Variants in CELF6 observed in about 807,000 individuals in gnomAD.
CELF6 encodes the protein CUGBP Elav-like family member 6.
CELF6 carries 32 observed loss-of-function variants against 53.1 expected under a neutral mutation model. The ratio of observed to expected loss-of-function variants is 0.60; its 90% CI spans 0.46 to 0.81. The LOEUF (loss-of-function observed/expected upper bound fraction) is 0.81. CELF6 is among the 30% of genes least tolerant of loss of function. CELF6 has a pLI of 0.00. For missense variants in CELF6, 539 were observed against 669.5 expected, an observed-to-expected ratio of 0.81 and a Z score of 2.15; for synonymous variants, 291 against 288.8, an observed-to-expected ratio of 1.01 and a Z score of -0.08.
At position 72,289,904 on chromosome 15, in the gene CELF6, T is replaced by C. The variant is rs1207384959; in HGVS notation, c.603+35A>G. ...GAGGAGAAGCCCGTCCCCACCCCACTGGCCTCACCCTCAGCCCAGGGAACC... is the reference window on the plus strand; with the variant it reads ...GAGGAGAAGCCCGTCCCCACCCCACCGGCCTCACCCTCAGCCCAGGGAACC... On this transcript the variant is annotated intron_variant, in intron 5 of 12. Coordinates refer to ENST00000287202, the MANE Select transcript of CELF6 (RefSeq NM_052840.5). The surrounding 1 kb of genome is among the most constrained non-coding windows in gnomAD (Gnocchi z 7.6). 4 of 1,540,656 alleles carry C rather than the reference T, an allele frequency of 2.6e-6. No individual in the cohort carries two copies. The highest frequency in any genetic ancestry group is 2.6e-6 in the Non-Finnish European group (3 of 1,146,160).
Position 72,290,249 on chromosome 15 carries a change from C to G in CELF6, c.401G>C (p.Arg134Pro). 1 of 1,613,092 alleles carries G rather than the reference C, an allele frequency of 6.2e-7. No homozygotes were observed. The highest frequency in any genetic ancestry group is 8.5e-7 in the Non-Finnish European group (1 of 1,179,650). The change falls in exon 4 of 13, where the codon CGA becomes CCA. Residue 134 changes from arginine (R) to proline (P), a missense_variant. This residue lies in a region of CELF6 where 97 missense variants were observed against 168.8 expected (regional missense o/e 0.57). Transcript: ENST00000287202. Reference sequence around the variant, plus strand: ...GCCCAGCATCCCCACAAACAGCTTTCGGTCCTCTGGGGACAAAGCCAGGAA... The same window carrying G: ...GCCCAGCATCCCCACAAACAGCTTTGGGTCCTCTGGGGACAAAGCCAGGAA... ...PAASEGRGEDRKLFVGMLGKQ... is the reference protein window; with the variant it reads ...PAASEGRGEDPKLFVGMLGKQ...
At chr15:72,286,714 C>G (rs2087927209) in intron 12 of CELF6, among the ~76,000 whole-genome samples, 1 of 152,226 alleles carries the variant, frequency 6.6e-6, no homozygotes, top group South Asian at 2.1e-4. Flanking sequence ...TCCCCATCAC[C>G]CACCAGGCCC....
rs1455373150 is a variant in CELF6, at chr15:72,285,493, C to T, written c.*878G>A. On this transcript the variant is annotated 3_prime_UTR_variant, in exon 13 of 13. Coordinates refer to ENST00000287202, the MANE Select transcript of CELF6 (RefSeq NM_052840.5). ...GGAGGTGTCTCAGCTCAGCCAAAGG[C>T]AGGGCCTCTGTCTACCTGGATTGGC... is the stretch of plus-strand genomic sequence containing the variant. 1 of 152,328 alleles carries T rather than the reference C, an allele frequency of 6.6e-6. No homozygotes were observed. Among genetic ancestry groups the T allele is most frequent in the Non-Finnish European group, 1.5e-5 (1 of 68,098 alleles). 9.4% of individuals were successfully genotyped at this position (152,328 alleles called of 1,614,324 possible). A position where few individuals can be genotyped will look rare whatever the true frequency, so the allele number is the denominator to read the frequency against.
At position 72,312,490 on chromosome 15, in the gene CELF6, G is replaced by A. The variant is rs1426739779; in HGVS notation, c.345+3355C>T. Among the ~76,000 whole-genome samples, 13 of 152,030 alleles carry A rather than the reference G, an allele frequency of 8.6e-5. No homozygotes were observed. The East Asian group carries it at 1.3e-3, about 16-fold the overall frequency. ...AAAAATACAAAAAAATTAGCTTGGC[G>A]CGGTGATGGGTGCCTGTAATCCCAG... On this transcript the variant is annotated intron_variant, in intron 2 of 12. Coordinates refer to ENST00000287202, the MANE Select transcript of CELF6 (RefSeq NM_052840.5).
intron 3 of CELF6, among the ~76,000 whole-genome samples, chr15:72,296,033 T>C (rs574890601): frequency 6.6e-6 from 1 of 152,288 alleles, no homozygotes; most frequent in East Asian, 1.9e-4. Context: ...AAGATAAATA[T>C]ATAGACCAAT....
intron 3 of CELF6, among the ~76,000 whole-genome samples, chr15:72,292,726 C>G (rs2088022250): frequency 6.6e-6 from 1 of 152,206 alleles, no homozygotes; most frequent in Admixed American, 6.5e-5. Context: ...CAGTGAGAAT[C>G]TCACAAGTTA....
chr15:72,297,976 G>T (rs1295947760), intron 3 of CELF6, among the ~76,000 whole-genome samples: 1 of 152,200 alleles, frequency 6.6e-6, no homozygotes, highest in African/African-American at 2.4e-5. Flanking sequence ...TGAGGAAAGG[G>T]TCAAGTAGTA....
Position 72,288,194 on chromosome 15 carries a change from G to T in CELF6, c.1318+114C>A, listed in dbSNP as rs2087946551. ...TCACTGGTTTGTGACCCTGTTTTGT[G>T]CCATACATTCAATCTCAGGAAATCA... On this transcript the variant is annotated intron_variant, in intron 11 of 12. Transcript: ENST00000287202. This position sits in a 1 kb window ranked among gnomAD's most constrained non-coding sequence, Gnocchi z 4.6. 3.4e-6 allele frequency: 4 copies of T among 1,180,018 alleles called. No individual in the cohort carries two copies. Among genetic ancestry groups the T allele is most frequent in the African/African-American group, 1.5e-5 (1 of 66,536 alleles). The allele number at this position is 1,180,018 out of a possible 1,614,324, so 73.1% of individuals were successfully genotyped here.
chr15:72,320,152 G>C lies in CELF6; in HGVS notation c.-278C>G. The C allele has an allele frequency of 1.6e-6, 1 of 630,566 alleles. No individual in the cohort carries two copies. The allele number at this position is 630,566 out of a possible 1,614,324, so 39.1% of individuals were successfully genotyped here. On this transcript the variant is annotated 5_prime_UTR_variant, in exon 1 of 13. Transcript: ENST00000287202. ...TGCGGCTCTCTCTGGGCTCCCGCCC[G>C]AGCTCTCCCAGAGCCGAGCCCCGAG...
Position 72,289,768 on chromosome 15 carries a change from G to A in CELF6, c.606C>T (p.Gly202=). Residue 202 remains glycine, a splice_region_variant and synonymous_variant, in exon 6 of 13, where the codon GGC becomes GGT. Coordinates refer to ENST00000287202, the MANE Select transcript of CELF6 (RefSeq NM_052840.5). The surrounding 1 kb of genome is among the most constrained non-coding windows in gnomAD (Gnocchi z 7.6). ...RGLHGSRTMA[G]ASSSLVVKLA... is the part of the protein sequence containing the mutation. ...GCTTGACCACGAGGCTGGACGAGGC[G>A]CCCTGGGCAGGGCAGGGGAGGCCGT... The A allele has an allele frequency of 6.9e-7, 1 of 1,452,844 alleles. No individual in the cohort carries two copies. The highest frequency in any genetic ancestry group is 1.4e-5 in the South Asian group (1 of 70,984). The allele number at this position is 1,452,844 out of a possible 1,614,324, so 90.0% of individuals were successfully genotyped here.
At position 72,289,329 on chromosome 15, in the gene CELF6, C is replaced by T; in HGVS notation, c.881-42G>A. On this transcript the variant is annotated intron_variant, in intron 7 of 12. Coordinates refer to ENST00000287202, the MANE Select transcript of CELF6 (RefSeq NM_052840.5). This position sits in a 1 kb window ranked among gnomAD's most constrained non-coding sequence, Gnocchi z 7.6. ...TCTGAGAGTCAGGCCGCCACCCCGC[C>T]CCGCCCGGCCCCTCCCAGGCGCGCC... 6.5e-7 allele frequency: 1 copy of T among 1,536,280 alleles called. No homozygotes were observed. Among genetic ancestry groups the T allele is most frequent in the Non-Finnish European group, 8.7e-7 (1 of 1,148,500 alleles).
intron 2 of CELF6, among the ~76,000 whole-genome samples, chr15:72,308,203 C>G (rs912947230): frequency 2.6e-5 from 4 of 151,256 alleles, no homozygotes; most frequent in Non-Finnish European, 4.4e-5. Flanking sequence ...GTAGATACCT[C>G]AGATATAAAA....
At chr15:72,297,575 A>G (rs2088097067) in intron 3 of CELF6, among the ~76,000 whole-genome samples, 1 of 152,252 alleles carries the variant, frequency 6.6e-6, no homozygotes, top group Non-Finnish European at 1.5e-5. Context: ...TTAAAAAGGA[A>G]GGAAATTCTG....
At chr15:72,305,026 C>G (rs1383603854) in intron 2 of CELF6, among the ~76,000 whole-genome samples, 1 of 152,144 alleles carries the variant, frequency 6.6e-6, no homozygotes, top group Non-Finnish European at 1.5e-5. Context: ...GTGGCAAGCA[C>G]AAGGTGGAAT....
At chr15:72,312,621 T>C (rs2088312203) in intron 2 of CELF6, among the ~76,000 whole-genome samples, 1 of 152,188 alleles carries the variant, frequency 6.6e-6, no homozygotes, top group Non-Finnish European at 1.5e-5. Context: ...AGAATGAGGC[T>C]GTGTCTCAAA....
At chr15:72,292,165 G>GGGCT (rs2088014651) in intron 3 of CELF6, 1 of 1,484,114 alleles carries the variant, frequency 6.7e-7, no homozygotes, top group Non-Finnish European at 9.1e-7. Flanking sequence ...CTCCCTAGAG[G>GGGCT]GGCTCCAAGG....
At chr15:72,314,496 G>A (rs1344510990) in intron 2 of CELF6, among the ~76,000 whole-genome samples, 1 of 151,576 alleles carries the variant, frequency 6.6e-6, no homozygotes, top group South Asian at 2.1e-4. Context: ...AGAGACTGAA[G>A]CTCAGGAGTC....
chr15:72,299,165 G>C (rs2088118049), intron 3 of CELF6, among the ~76,000 whole-genome samples: 1 of 151,656 alleles, frequency 6.6e-6, no homozygotes, highest in Admixed American at 6.6e-5. Context: ...AGTGAGCCGA[G>C]TTGTACCTTG....
At chr15:72,299,575 G>A (rs977520499) in intron 3 of CELF6, among the ~76,000 whole-genome samples, 6 of 151,952 alleles carry the variant, frequency 3.9e-5, no homozygotes, top group African/African-American at 1.5e-4. Flanking sequence ...TGCCCAGGCT[G>A]GTCTTGAACT....
Sources: allele counts gnomAD v4.1 joint callset (sites outside exome capture counted in the v4.1 genomes callset), GRCh38; gene constraint gnomAD v4.1.1; regional missense constraint gnomAD v4.1.1; non-coding constraint Gnocchi (gnomAD v3.1); transcripts MANE v1.5; gene names NCBI Gene and HGNC (gene_info 2026-07-23, HGNC 2026-07-21).